ZBTB40: variants seen among roughly 807,000 people sequenced by gnomAD.
ZBTB40 encodes the protein zinc finger and BTB domain containing 40, also known as zinc finger and BTB domain-containing protein 40.
ZBTB40 carries 60 observed loss-of-function variants against 117.5 expected under a neutral mutation model. That is an observed-to-expected ratio of 0.51 (90% CI 0.41 to 0.63). The LOEUF (loss-of-function observed/expected upper bound fraction) is 0.63. Among genes scored for constraint, ZBTB40 ranks in the 30% least tolerant of loss-of-function variants. The pLI, the probability that ZBTB40 is intolerant of heterozygous loss-of-function variation, is 0.00. For missense variants in ZBTB40, 1,287 were observed against 1,498.5 expected, an observed-to-expected ratio of 0.86 and a Z score of 2.33; for synonymous variants, 525 against 577.1, an observed-to-expected ratio of 0.91 and a Z score of 1.29.
chr1:22,464,119 C>T (rs1000743924), intron 1 of ZBTB40, among the ~76,000 whole-genome samples: 1 of 152,244 alleles, frequency 6.6e-6, no homozygotes, highest in African/African-American at 2.4e-5. Flanking sequence ...AGGTGTAACT[C>T]ATTTAATCTT....
At chr1:22,521,743 T>C in intron 15 of ZBTB40, 85 bp downstream of exon 15, 2 of 1,577,602 alleles carry the variant, frequency 1.3e-6, no homozygotes, top group Non-Finnish European at 1.7e-6. Flanking sequence ...CCACTTCTAA[T>C]AGTCTAGTGT....
chr1:22,499,720 A>G (rs761165803), intron 3 of ZBTB40, among the ~76,000 whole-genome samples: 8 of 152,356 alleles, frequency 5.3e-5, no homozygotes, highest in Non-Finnish European at 8.8e-5. Flanking sequence ...TTAGCTTTAT[A>G]CAGACATCCT....
intron 1 of ZBTB40, among the ~76,000 whole-genome samples, chr1:22,446,559 C>T (rs191267258): frequency 2.0e-5 from 3 of 151,810 alleles, no homozygotes; most frequent in Admixed American, 2.0e-4. Flanking sequence ...GGAGCAAAGA[C>T]AAGAATTACA....
rs1456545768 is a variant in ZBTB40 at position 22,521,531 on chromosome 1, C to T, written c.3084C>T (p.His1028=). The change falls in exon 15 of 18, where the codon CAC becomes CAT. Residue 1028 remains histidine, a synonymous_variant. Coordinates refer to ENST00000375647, the MANE Select transcript of ZBTB40 (RefSeq NM_014870.4). The part of the protein sequence containing the change: ...LSGLWYHNRT[H]HPDVFAAQNH... The stretch of plus-strand genomic sequence containing the variant: ...GTTTGTGGTACCACAATCGAACCCA[C>T]CACCCTGACGTATTTGCTGCTCAGA... 2 of 1,614,236 alleles carry T rather than the reference C, an allele frequency of 1.2e-6. No homozygotes were observed. Among genetic ancestry groups the T allele is most frequent in the South Asian group, 1.1e-5 (1 of 91,078 alleles).
At chr1:22,468,123 T>C (rs1641303410) in intron 1 of ZBTB40, among the ~76,000 whole-genome samples, 2 of 151,808 alleles carry the variant, frequency 1.3e-5, no homozygotes, top group African/African-American at 4.8e-5. Context: ...CTAATACTTA[T>C]TGAGCATTTA....
chr1:22,501,773 G>T (rs1557510288), intron 4 of ZBTB40, 89 bp downstream of exon 4: 9 of 1,410,060 alleles, frequency 6.4e-6, no homozygotes, highest in Non-Finnish European at 8.8e-6. Context: ...TTCTTTGGTG[G>T]CTTAGTTATT....
At position 22,492,085 on chromosome 1, in the gene ZBTB40, A is replaced by T. The variant is rs145206231; in HGVS notation, c.831+552A>T. Among the ~76,000 whole-genome samples the T allele has an allele frequency of 2.6e-5, 4 of 152,296 alleles. No individual in the cohort carries two copies. The East Asian group carries it at 7.7e-4, about 29-fold the overall frequency. On this transcript the variant is annotated intron_variant, in intron 3 of 17. Transcript: ENST00000375647. ...AATTTTCACAAAAATCATCAGTGTGAGTATTATTGTTAAGTCCTGTTTTAT... is the reference window on the plus strand; with the variant it reads ...AATTTTCACAAAAATCATCAGTGTGTGTATTATTGTTAAGTCCTGTTTTAT...
At chr1:22,488,297 A>G (rs1638529612) in intron 1 of ZBTB40, among the ~76,000 whole-genome samples, 1 of 152,360 alleles carries the variant, frequency 6.6e-6, no homozygotes, top group Non-Finnish European at 1.5e-5. Flanking sequence ...ATTCTAGTGA[A>G]GGAAGATAGA....
upstream of ZBTB40, among the ~76,000 whole-genome samples, chr1:22,448,692 C>T (rs1027844198): frequency 1.3e-5 from 2 of 151,868 alleles, no homozygotes; most frequent in African/African-American, 4.8e-5. Context: ...TAGGTGGTTA[C>T]AAGAATTAAA....
At chr1:22,515,362 A>T (rs10917245) in intron 12 of ZBTB40, among the ~76,000 whole-genome samples, 56,702 of 152,094 alleles carry the variant, frequency 0.37, 10,965 homozygotes, top group Admixed American at 0.47. Flanking sequence ...GAAGTGTGTT[A>T]GTTTATCCTG....
intron 1 of ZBTB40, among the ~76,000 whole-genome samples, chr1:22,478,463 G>A (rs1641604721): frequency 6.6e-6 from 1 of 152,046 alleles, no homozygotes; most frequent in Non-Finnish European, 1.5e-5. Context: ...TAGCCAGGAT[G>A]GTCTTGATCT....
Position 22,513,060 on chromosome 1 carries a change from C to T in ZBTB40, c.2598C>T (p.Cys866=), listed in dbSNP as rs1392813526. 2 of 1,614,198 alleles carry T rather than the reference C, an allele frequency of 1.2e-6. No homozygotes were observed. Among genetic ancestry groups the T allele is most frequent in the Admixed American group, 3.3e-5 (2 of 60,024 alleles). Residue 866 remains cysteine, a synonymous_variant, in exon 12 of 18, where the codon TGC becomes TGT. Coordinates refer to ENST00000375647, the MANE Select transcript of ZBTB40 (RefSeq NM_014870.4). This position sits in a 1 kb window ranked among gnomAD's most constrained non-coding sequence, Gnocchi z 4.9. ...ACACCGGGGACCGCCCGTTCATGTG[C>T]AAGCACTGCCTCATGACCTTCACCC... is the stretch of plus-strand genomic sequence containing the variant. ...RLHTGDRPFM[C]KHCLMTFTQA...
chr1:22,512,126 A>G lies in ZBTB40; in HGVS notation c.2453A>G (p.His818Arg). The part of the protein sequence containing the change: ...TCDLCGREFA[H>R]ASGMQYHKLT... ...GACCTCTGTGGCAGAGAATTTGCCC[A>G]TGCCTCAGGTACGTTCAAGAAGGCA... The change falls in exon 11 of 18, where the codon CAT (histidine) becomes CGT (arginine). Residue 818 changes from histidine (H) to arginine (R), a missense_variant. Physicochemically the swap from His to Arg is conservative, Grantham distance 29. Transcript: ENST00000375647. The G allele has an allele frequency of 1.2e-6, 2 of 1,613,048 alleles. No individual in the cohort carries two copies. Among genetic ancestry groups the G allele is most frequent in the East Asian group, 2.2e-5 (1 of 44,888 alleles).
intron 4 of ZBTB40, 43 bp downstream of exon 4, chr1:22,501,727 T>G: frequency 1.9e-6 from 3 of 1,593,474 alleles, no homozygotes; most frequent in Non-Finnish European, 2.6e-6. Context: ...GGTTTTATTT[T>G]GGGATGATGC....
intron 9 of ZBTB40, among the ~76,000 whole-genome samples, chr1:22,510,010 A>G (rs1639188403): frequency 6.6e-6 from 1 of 152,254 alleles, no homozygotes; most frequent in African/African-American, 2.4e-5. Flanking sequence ...ATAAACATAG[A>G]TAAAACAAAG....
chr1:22,490,260 T>C lies in ZBTB40; in HGVS notation c.312T>C (p.Asp104=). Residue 104 remains aspartate, a synonymous_variant, in exon 2 of 18, where the codon GAT becomes GAC. Transcript: ENST00000375647. The part of the protein sequence containing the change: ...ISLADSLQMF[D]VAVSCKNLLT... The stretch of plus-strand genomic sequence containing the variant: ...TAGCAGACAGTCTACAGATGTTTGA[T>C]GTAGCTGTTAGCTGCAAAAATCTTC... 5 of 1,614,232 alleles carry C rather than the reference T, an allele frequency of 3.1e-6. No homozygotes were observed. Among genetic ancestry groups the C allele is most frequent in the Middle Eastern group, 1.6e-4 (1 of 6,062 alleles).
At chr1:22,466,732 C>T (rs563148628) in intron 1 of ZBTB40, among the ~76,000 whole-genome samples, 118 of 151,254 alleles carry the variant, frequency 7.8e-4, no homozygotes, top group Non-Finnish European at 1.5e-3. Context: ...TTAAAATTGG[C>T]TTATTTGTCC....
At chr1:22,452,097 T>C (rs1214715372) in intron 1 of ZBTB40, 93 bp downstream of exon 1, 2 of 152,338 alleles carry the variant, frequency 1.3e-5, no homozygotes, top group African/African-American at 4.8e-5. Context: ...ATACAGACCC[T>C]TCCGCGTGGC....
In ZBTB40 at chr1:22,522,391, G is replaced by A. The variant is rs750155457; in HGVS notation, c.3226G>A (p.Glu1076Lys). 3 of 1,614,198 alleles carry A rather than the reference G, an allele frequency of 1.9e-6. No homozygotes were observed. The highest frequency in any genetic ancestry group is 2.5e-6 in the Non-Finnish European group (3 of 1,180,046). ...GCACTTCACAGATATGAAGTTCCAT[G>A]AATGTGACCAGTGTAAGGAGCTCTT... ...KAEHADMKFH[E>K]CDQCKELFPT... Residue 1076 changes from glutamate (E) to lysine (K), a missense_variant, in exon 16 of 18, where the codon GAA (glutamate) becomes AAA (lysine). Glu to Lys is a moderately conservative substitution (Grantham distance 56). Around this residue, in one of 2 missense-constraint regions of ZBTB40, gnomAD observed 417 missense variants for 564.1 expected, o/e 0.74. Transcript: ENST00000375647.
Sources: allele counts gnomAD v4.1 joint callset (sites outside exome capture counted in the v4.1 genomes callset), GRCh38; gene constraint gnomAD v4.1.1; regional missense constraint gnomAD v4.1.1; non-coding constraint Gnocchi (gnomAD v3.1); transcripts MANE v1.5; gene names NCBI Gene and HGNC (gene_info 2026-07-23, HGNC 2026-07-21).